The following PPP6R2 variants were observed in gnomAD, a reference collection of about 807,000 sequenced individuals.
The protein encoded by PPP6R2 is serine/threonine-protein phosphatase 6 regulatory subunit 2.
In PPP6R2, 62 loss-of-function variants were observed where a neutral mutation model predicts 100.2. The ratio of observed to expected loss-of-function variants is 0.62; its 90% CI spans 0.50 to 0.76. The LOEUF is 0.76. PPP6R2 is among the 30% of genes least tolerant of loss of function. PPP6R2 has a pLI of 0.00. For missense variants in PPP6R2, 1,142 were observed against 1,276.3 expected, an observed-to-expected ratio of 0.89 and a Z score of 1.60; for synonymous variants, 525 against 514.7, an observed-to-expected ratio of 1.02 and a Z score of -0.27.
chr22:50,386,017 G>T (rs2054177493), intron 2 of PPP6R2, among the ~76,000 whole-genome samples: 1 of 149,434 alleles, frequency 6.7e-6, no homozygotes, highest in South Asian at 2.1e-4. Flanking sequence ...TAGAGACGGG[G>T]TTTCACTGTG....
chr22:50,426,959 T>A (rs1211062241), intron 10 of PPP6R2, among the ~76,000 whole-genome samples: 1 of 150,838 alleles, frequency 6.6e-6, no homozygotes, highest in Non-Finnish European at 1.5e-5. Flanking sequence ...GAGGCTGAGG[T>A]GGGTGGATCA....
intron 3 of PPP6R2, among the ~76,000 whole-genome samples, chr22:50,403,330 C>T (rs1344362346): frequency 6.6e-6 from 1 of 152,232 alleles, no homozygotes; most frequent in East Asian, 1.9e-4. Flanking sequence ...TGACTTCCTC[C>T]CCCTGCCCAG....
chr22:50,374,930 A>AAAG (rs1318709855), intron 2 of PPP6R2, among the ~76,000 whole-genome samples: 1 of 150,374 alleles, frequency 6.7e-6, no homozygotes, highest in East Asian at 1.9e-4. Context: ...AAAAAAAAAA[A>AAAG]AGAGAAAAAG....
At position 50,440,907 on chromosome 22, in the gene PPP6R2, C is replaced by T. The variant is rs1422094731; in HGVS notation, c.2460C>T (p.Gly820=). The change falls in exon 22 of 24, where the codon GGC becomes GGT. Residue 820 remains glycine (G), a synonymous_variant. Transcript: ENST00000612753. ...CCTCTGACAGTAGCTCCTCTGGGGG[C>T]TCCCACAGCGAGGATGGCGACCAGA... The part of the protein sequence containing the change: ...LLASDSSSSG[G]SHSEDGDQKA... 6.2e-7 allele frequency: 1 copy of T among 1,613,650 alleles called. No homozygotes were observed. Among genetic ancestry groups the T allele is most frequent in the African/African-American group, 1.3e-5 (1 of 74,928 alleles).
chr22:50,362,000 G>C (rs781467777), intron 1 of PPP6R2, among the ~76,000 whole-genome samples: 2 of 152,192 alleles, frequency 1.3e-5, no homozygotes, highest in Non-Finnish European at 2.9e-5. Flanking sequence ...CAAGGTTCCA[G>C]AGCTGCTCAG....
chr22:50,400,859 A>G (rs1448933699), intron 3 of PPP6R2, among the ~76,000 whole-genome samples: 1 of 152,158 alleles, frequency 6.6e-6, no homozygotes, highest in Non-Finnish European at 1.5e-5. Flanking sequence ...ACATTAGCTG[A>G]GGGAAATTTC....
At chr22:50,342,443 C>T (rs891983847), upstream of PPP6R2, among the ~76,000 whole-genome samples, 11 of 152,102 alleles carry the variant, frequency 7.2e-5, no homozygotes, top group Admixed American at 7.2e-4. Context: ...GGCCGCCAGC[C>T]GCAGGGCCAA....
chr22:50,331,164 C>T, the PPP6R2 span, among the ~76,000 whole-genome samples: 8 of 151,990 alleles, frequency 5.3e-5, no homozygotes, highest in African/African-American at 7.3e-5. Context: ...TCATTCCTTT[C>T]GTGAATAGTA....
the PPP6R2 span, among the ~76,000 whole-genome samples, chr22:50,331,622 T>TA: frequency 1.3e-5 from 2 of 148,996 alleles, no homozygotes; most frequent in African/African-American, 4.9e-5. Context: ...CTATTTTTTT[T>TA]AACTTCTTTT....
intron 1 of PPP6R2, among the ~76,000 whole-genome samples, chr22:50,363,626 G>A (rs963780462): frequency 1.3e-5 from 2 of 152,290 alleles, no homozygotes; most frequent in Admixed American, 1.3e-4. Context: ...AGCCAGCTCC[G>A]CTGTCCGCAG....
chr22:50,334,409 A>G, the PPP6R2 span, among the ~76,000 whole-genome samples: 1 of 152,340 alleles, frequency 6.6e-6, no homozygotes, highest in South Asian at 2.1e-4. Context: ...TTCCTAGGTT[A>G]TACTTGTAGA....
At chr22:50,354,322 A>G (rs1025704602) in intron 1 of PPP6R2, among the ~76,000 whole-genome samples, 3 of 151,762 alleles carry the variant, frequency 2.0e-5, no homozygotes, top group African/African-American at 7.3e-5. Flanking sequence ...ATAAATAATA[A>G]ATAAAATAAA....
At chr22:50,339,249 G>A (rs376092773), upstream of PPP6R2, among the ~76,000 whole-genome samples, 471 of 137,114 alleles carry the variant, frequency 3.4e-3, 7 homozygotes, top group East Asian at 0.053. Context: ...TGTGTGTTGT[G>A]TGTGTTGTGT....
At chr22:50,413,690 C>T (rs1296816667) in intron 4 of PPP6R2, among the ~76,000 whole-genome samples, 3 of 121,944 alleles carry the variant, frequency 2.5e-5, no homozygotes, top group Non-Finnish European at 3.4e-5. Flanking sequence ...CTTCCTTCTT[C>T]CCCTTCTCTT....
intron 10 of PPP6R2, among the ~76,000 whole-genome samples, chr22:50,425,907 C>CCA (rs2062046644): frequency 6.9e-6 from 1 of 144,704 alleles, no homozygotes; most frequent in East Asian, 2.0e-4. Context: ...TTTAGAAGTT[C>CCA]TATATATATT....
At position 50,436,359 on chromosome 22, in the gene PPP6R2, C is replaced by A. The variant is rs1159794508; in HGVS notation, c.1517-8C>A. 6.4e-7 allele frequency: 1 copy of A among 1,566,236 alleles called. No homozygotes were observed. The highest frequency in any genetic ancestry group is 8.7e-7 in the Non-Finnish European group (1 of 1,155,898). On this transcript the variant is annotated splice_region_variant and splice_polypyrimidine_tract_variant and intron_variant, in intron 13 of 23. Coordinates refer to ENST00000612753, the MANE Select transcript of PPP6R2 (RefSeq NM_001242898.2). Reference sequence around the variant, plus strand: ...CCCAGGGCTCACCAGGCAGCACTTCCCTTGCAGGGCTCCCTGCGGACTGCC... The same window carrying A: ...CCCAGGGCTCACCAGGCAGCACTTCACTTGCAGGGCTCCCTGCGGACTGCC...
chr22:50,374,495 A>G (rs1376115452), intron 2 of PPP6R2, among the ~76,000 whole-genome samples: 1 of 152,234 alleles, frequency 6.6e-6, no homozygotes, highest in Non-Finnish European at 1.5e-5. Flanking sequence ...TCTAGAATGA[A>G]AAAATCAGGA....
intron 12 of PPP6R2, 149 bp downstream of exon 12, chr22:50,432,478 C>A (rs2063340537): frequency 1.3e-6 from 1 of 750,076 alleles, no homozygotes; most frequent in African/African-American, 1.7e-5. Context: ...TCTGGGGCTG[C>A]TGTGCAAGGG....
chr22:50,357,876 G>A (rs2148263648), intron 1 of PPP6R2, among the ~76,000 whole-genome samples: 1 of 151,548 alleles, frequency 6.6e-6, no homozygotes, highest in Admixed American at 6.6e-5. Context: ...CGTCCTCCTT[G>A]GCCTTCCAAA....
Sources: allele counts gnomAD v4.1 joint callset (sites outside exome capture counted in the v4.1 genomes callset), GRCh38; gene constraint gnomAD v4.1.1; transcripts MANE v1.5; gene names NCBI Gene and HGNC (gene_info 2026-07-23, HGNC 2026-07-21).